The following TLR7 variants were observed in gnomAD, a reference collection of about 807,000 sequenced individuals.
TLR7 encodes toll like receptor 7.
In TLR7, 12 loss-of-function variants were observed where a neutral mutation model predicts 38.3. That is an observed-to-expected ratio of 0.31 (90% CI 0.20 to 0.51). TLR7 has a LOEUF of 0.51. Among genes scored for constraint, TLR7 ranks in the 20% least tolerant of loss-of-function variants. The pLI is 0.98. For missense variants in TLR7, 504 were observed against 743.4 expected, an observed-to-expected ratio of 0.68 and a Z score of 3.74; for synonymous variants, 285 against 293.8, an observed-to-expected ratio of 0.97 and a Z score of 0.31.
chrX:12,883,377 T>C (rs778812562), intron 2 of TLR7, among the ~76,000 whole-genome samples: 2 of 111,867 alleles, frequency 1.8e-5, no homozygotes, highest in African/African-American at 3.3e-5. Context: ...ACGGAGGGAC[T>C]TGCAAGTCAG....
chrX:12,883,179 C>T lies in TLR7; in HGVS notation c.4-2333C>T, dbSNP rs937487196. Among the ~76,000 whole-genome samples the T allele has an allele frequency of 2.7e-5, 3 of 112,337 alleles. No homozygotes were observed. In the South Asian group the frequency reaches 1.1e-3, roughly 42 times the overall value. The stretch of plus-strand genomic sequence containing the variant: ...CAACTCCTCCTCCCTGAGTAGTGAA[C>T]ATTTTTCCTAAATCTCTGAGAAAGA... On this transcript the variant is annotated intron_variant, in intron 2 of 2. Coordinates refer to ENST00000380659, the MANE Select transcript of TLR7 (RefSeq NM_016562.4).
chrX:12,879,056 G>T (rs1200385419), intron 2 of TLR7, among the ~76,000 whole-genome samples: 2 of 111,837 alleles, frequency 1.8e-5, no homozygotes, highest in Non-Finnish European at 3.8e-5. Context: ...TTCTAGCCCT[G>T]CTTGCAGAAT....
In TLR7 at chrX:12,888,638, G is replaced by A; in HGVS notation, c.3130G>A (p.Val1044Met). The A allele has an allele frequency of 8.3e-7, 1 of 1,204,097 alleles. No individual in the cohort carries two copies. Among genetic ancestry groups the A allele is most frequent in the Non-Finnish European group, 1.1e-6 (1 of 891,925 alleles). ...AGACAATCATGTGGCCTATAGTCAG[G>A]TGTTCAAGGAAACGGTCTAGCCCTT... ...ATDNHVAYSQ[V>M]FKETV The change falls in exon 3 of 3, where the codon GTG becomes ATG. Residue 1044 changes from valine to methionine, a missense_variant. Transcript: ENST00000380659.
Position 12,888,791 on chromosome X carries a change from G to C in TLR7, c.*133G>C. The C allele has an allele frequency of 1.4e-6, 1 of 690,718 alleles. No homozygotes were observed. The highest frequency in any genetic ancestry group is 2.1e-6 in the Non-Finnish European group (1 of 478,617). 56.9% of individuals were successfully genotyped at this position (690,718 alleles called of 1,213,427 possible). A position where few individuals can be genotyped will look rare whatever the true frequency, so the allele number is the denominator to read the frequency against. On this transcript the variant is annotated 3_prime_UTR_variant, in exon 3 of 3. Coordinates refer to ENST00000380659, the MANE Select transcript of TLR7 (RefSeq NM_016562.4). ...ATGAGATTGCCCATATTTCAGGGGAGCCACCAACGTCTGTCACAGGAGTTG... is the reference window on the plus strand; with the variant it reads ...ATGAGATTGCCCATATTTCAGGGGACCCACCAACGTCTGTCACAGGAGTTG...
At position 12,885,652 on chromosome X, in the gene TLR7, C is replaced by T. The variant is rs1015731658; in HGVS notation, c.144C>T (p.Ile48=). ...VTLDVPKNHV[I]VDCTDKHLTE... The stretch of plus-strand genomic sequence containing the variant: ...TGGATGTTCCAAAGAACCATGTGAT[C>T]GTGGACTGCACAGACAAGCATTTGA... Residue 48 remains isoleucine (I), a synonymous_variant, in exon 3 of 3, where the codon ATC becomes ATT. Coordinates refer to ENST00000380659, the MANE Select transcript of TLR7 (RefSeq NM_016562.4). The T allele has an allele frequency of 5.0e-6, 6 of 1,210,115 alleles. No individual in the cohort carries two copies. The highest frequency in any genetic ancestry group is 1.8e-5 in the South Asian group (1 of 56,827).
chrX:12,869,987 A>G (rs1230956011), intron 2 of TLR7, among the ~76,000 whole-genome samples: 1 of 110,573 alleles, frequency 9.0e-6, no homozygotes, highest in African/African-American at 3.3e-5. Flanking sequence ...ATGTTAAATG[A>G]AAAAAGCAAG....
intron 2 of TLR7, among the ~76,000 whole-genome samples, chrX:12,876,026 G>A (rs1435035500): frequency 9.5e-6 from 1 of 105,649 alleles, no homozygotes; most frequent in Non-Finnish European, 1.9e-5. Context: ...TGGTATGATC[G>A]TGGCTTACTG....
chrX:12,886,547 C>T lies in TLR7; in HGVS notation c.1039C>T (p.Leu347=). 8.3e-7 allele frequency: 1 copy of T among 1,211,584 alleles called. No homozygotes were observed. ...TCTCCCCAGCCTCATCCAATTGGAT[C>T]TGTCTTTCAATTTTGAACTTCAGGT... is the stretch of plus-strand genomic sequence containing the variant. ...HFLPSLIQLD[L]SFNFELQVYR... The change falls in exon 3 of 3, where the codon CTG becomes TTG. Residue 347 remains leucine (L), a synonymous_variant. Coordinates refer to ENST00000380659, the MANE Select transcript of TLR7 (RefSeq NM_016562.4).
rs2042920168 is a variant in TLR7 at position 12,888,780 on chromosome X, A to T, written c.*122A>T. On this transcript the variant is annotated 3_prime_UTR_variant, in exon 3 of 3. Transcript: ENST00000380659. ...TTCTTCAAGAAATGAGATTGCCCAT[A>T]TTTCAGGGGAGCCACCAACGTCTGT... is the stretch of plus-strand genomic sequence containing the variant. 1 of 811,759 alleles carries T rather than the reference A, an allele frequency of 1.2e-6. No homozygotes were observed. The highest frequency in any genetic ancestry group is 2.1e-5 in the African/African-American group (1 of 48,230). 66.9% of individuals were successfully genotyped at this position (811,759 alleles called of 1,213,427 possible). A position where few individuals can be genotyped will look rare whatever the true frequency, so the allele number is the denominator to read the frequency against.
At chrX:12,881,263 G>A (rs1411802922) in intron 2 of TLR7, among the ~76,000 whole-genome samples, 7 of 86,874 alleles carry the variant, frequency 8.1e-5, no homozygotes, top group African/African-American at 3.1e-4. Flanking sequence ...AATAATAATA[G>A]TCTATAATTC....
intron 2 of TLR7, among the ~76,000 whole-genome samples, chrX:12,869,738 T>TA (rs2042845833): frequency 1.0e-5 from 1 of 95,403 alleles, no homozygotes; most frequent in Non-Finnish European, 2.1e-5. Flanking sequence ...CCCCAGAACT[T>TA]AAAAAAACAA....
chrX:12,868,062 T>C (rs2042839873), intron 2 of TLR7, among the ~76,000 whole-genome samples: 1 of 112,380 alleles, frequency 8.9e-6, no homozygotes, highest in Non-Finnish European at 1.9e-5. Flanking sequence ...TAGATAAAGA[T>C]ACTATCAGGA....
At chrX:12,868,020 G>C (rs944217903) in intron 2 of TLR7, among the ~76,000 whole-genome samples, 1 of 112,343 alleles carries the variant, frequency 8.9e-6, no homozygotes, top group African/African-American at 3.2e-5. Flanking sequence ...CCCCGGGCTT[G>C]AGTGCTGTCA....
At position 12,886,924 on chromosome X, in the gene TLR7, A is replaced by C. The variant is rs972175712; in HGVS notation, c.1416A>C (p.Ala472=). 8.3e-7 allele frequency: 1 copy of C among 1,208,866 alleles called. No individual in the cohort carries two copies. The highest frequency in any genetic ancestry group is 1.7e-5 in the African/African-American group (1 of 57,244). Residue 472 remains alanine (A), a synonymous_variant, in exon 3 of 3, where the codon GCA becomes GCC. Transcript: ENST00000380659. ...ATTATTTCAGATATGATAAGTATGCAAGGAGTTGCAGATTCAAAAACAAAG... is the reference window on the plus strand; with the variant it reads ...ATTATTTCAGATATGATAAGTATGCCAGGAGTTGCAGATTCAAAAACAAAG... ...QLHYFRYDKY[A]RSCRFKNKEA...
chrX:12,885,003 A>G (rs946027406), intron 2 of TLR7, among the ~76,000 whole-genome samples: 1 of 112,896 alleles, frequency 8.9e-6, no homozygotes, highest in African/African-American at 3.2e-5. Flanking sequence ...ATCAGTTAAT[A>G]TTGCTGAGCG....
chrX:12,888,214 A>T lies in TLR7; in HGVS notation c.2706A>T (p.Pro902=). 1 of 1,211,680 alleles carries T rather than the reference A, an allele frequency of 8.3e-7. No individual in the cohort carries two copies. The highest frequency in any genetic ancestry group is 1.7e-5 in the African/African-American group (1 of 57,748). ...TTATTGTGTATGACACTAAAGACCC[A>T]GCTGTGACCGAGTGGGTTTTGGCTG... is the stretch of plus-strand genomic sequence containing the variant. The part of the protein sequence containing the change: ...DAFIVYDTKD[P]AVTEWVLAEL... The change falls in exon 3 of 3, where the codon CCA becomes CCT. Residue 902 remains proline (P), a synonymous_variant. Coordinates refer to ENST00000380659, the MANE Select transcript of TLR7 (RefSeq NM_016562.4).
In TLR7 at chrX:12,873,708, T is replaced by C. The variant is rs756939427; in HGVS notation, c.3+6127T>C. On this transcript the variant is annotated intron_variant, in intron 2 of 2. Transcript: ENST00000380659. ...AGAAGAAATTGCTATTAAAGGTTTC[T>C]TGTGTATTCTTTCCTACTTTTCTCT... is the stretch of plus-strand genomic sequence containing the variant. 8.9e-5 allele frequency among the ~76,000 whole-genome samples: 10 copies of C among 112,473 alleles called. No homozygotes were observed. In the South Asian group the frequency reaches 3.3e-3, roughly 37 times the overall value.
rs778363770 is a variant in TLR7, at chrX:12,886,642, A to G, written c.1134A>G (p.Arg378=). 2 of 1,212,012 alleles carry G rather than the reference A, an allele frequency of 1.7e-6. No homozygotes were observed. Among genetic ancestry groups the G allele is most frequent in the Non-Finnish European group, 2.2e-6 (2 of 895,424 alleles). Residue 378 remains arginine (R), a synonymous_variant, in exon 3 of 3, where the codon AGA becomes AGG. Coordinates refer to ENST00000380659, the MANE Select transcript of TLR7 (RefSeq NM_016562.4). The part of the protein sequence containing the change: ...SLKSLKILRI[R]GYVFKELKSF... The stretch of plus-strand genomic sequence containing the variant: ...AAAGCCTGAAAATTCTGCGGATCAG[A>G]GGATATGTCTTTAAAGAGTTGAAAA...
chrX:12,885,730 T>G lies in TLR7; in HGVS notation c.222T>G (p.Ile74Met). ...PTNTTNLTLT[I>M]NHIPDISPAS... ...ACACCACGAACCTCACCCTCACCAT[T>G]AACCACATACCAGACATCTCCCCAG... The change falls in exon 3 of 3, where the codon ATT (isoleucine) becomes ATG (methionine). Residue 74 changes from isoleucine to methionine, a missense_variant. By Grantham distance (10) the Ile-to-Met change is conservative. Transcript: ENST00000380659. The G allele has an allele frequency of 5.0e-6, 6 of 1,211,601 alleles. No homozygotes were observed. The highest frequency in any genetic ancestry group is 3.4e-6 in the Non-Finnish European group (3 of 895,465).
Sources: allele counts gnomAD v4.1 joint callset (sites outside exome capture counted in the v4.1 genomes callset), GRCh38; gene constraint gnomAD v4.1.1; transcripts MANE v1.5; gene names NCBI Gene and HGNC (gene_info 2026-07-23, HGNC 2026-07-21).